The following USP28 variants were observed in gnomAD, a reference collection of about 807,000 sequenced individuals.
USP28 encodes the protein ubiquitin specific peptidase 28.
A neutral mutation model predicts 145.0 loss-of-function variants in USP28; 113 were observed. The ratio of observed to expected loss-of-function variants is 0.78; its 90% CI spans 0.67 to 0.91. The LOEUF is 0.91. USP28 is among the 40% of genes least tolerant of loss of function. The pLI is 0.00. For synonymous variants in USP28, 447 were observed against 450.9 expected (o/e 0.99, Z 0.11); for missense variants, 1,201 against 1,289.6 (o/e 0.93, Z 1.05).
intron 8 of USP28, among the ~76,000 whole-genome samples, chr11:113,831,658 T>C (rs1943994159): frequency 6.6e-6 from 1 of 152,048 alleles, no homozygotes; most frequent in Non-Finnish European, 1.5e-5. Flanking sequence ...TTACAGCACA[T>C]GCTGAGTTTA....
intron 1 of USP28, among the ~76,000 whole-genome samples, chr11:113,872,476 G>T (rs1948921775): frequency 6.7e-6 from 1 of 148,834 alleles, no homozygotes; most frequent in African/African-American, 2.5e-5. Context: ...AACAGAGCGA[G>T]ACTCCGTCTC....
chr11:113,866,913 T>C (rs954234293), intron 1 of USP28, among the ~76,000 whole-genome samples: 1 of 152,194 alleles, frequency 6.6e-6, no homozygotes, highest in Admixed American at 6.5e-5. Flanking sequence ...AATGGAAGAA[T>C]GGACAGGCAA....
chr11:113,857,507 C>T (rs1225965726), intron 1 of USP28, among the ~76,000 whole-genome samples: 6 of 152,202 alleles, frequency 3.9e-5, no homozygotes, highest in Middle Eastern at 3.4e-3. Flanking sequence ...AAGTGACATA[C>T]GCAATGGCAA....
intron 1 of USP28, among the ~76,000 whole-genome samples, chr11:113,860,021 A>G (rs2136761836): frequency 6.6e-6 from 1 of 152,300 alleles, no homozygotes; most frequent in Admixed American, 6.5e-5. Flanking sequence ...AGCAAAAACA[A>G]CTCACCCACA....
intron 9 of USP28, 50 bp downstream of exon 9, chr11:113,830,817 T>TA (rs751800168): frequency 2.5e-6 from 4 of 1,575,160 alleles, no homozygotes; most frequent in Non-Finnish European, 3.5e-6. Context: ...GACACAGTAA[T>TA]AAAGATATGA....
At chr11:113,813,577 C>G (rs941939612) in intron 15 of USP28, among the ~76,000 whole-genome samples, 1 of 152,212 alleles carries the variant, frequency 6.6e-6, no homozygotes, top group Non-Finnish European at 1.5e-5. Flanking sequence ...GTTTTTCCCA[C>G]TGCACTACTT....
chr11:113,861,273 T>C (rs1947666111), intron 1 of USP28, among the ~76,000 whole-genome samples: 1 of 152,152 alleles, frequency 6.6e-6, no homozygotes, highest in East Asian at 1.9e-4. Flanking sequence ...AATTTATTCA[T>C]GGAATAGAAA....
In USP28 at chr11:113,856,715, T is replaced by G. The variant is rs184189679; in HGVS notation, c.58-2380A>C. Among the ~76,000 whole-genome samples the G allele has an allele frequency of 3.2e-3, 488 of 152,274 alleles. 5 individuals are homozygous for G. Among genetic ancestry groups the G allele is most frequent in the Non-Finnish European group, 5.6e-3 (380 of 68,008 alleles). On this transcript the variant is annotated intron_variant, in intron 1 of 24. Transcript: ENST00000003302. ...TCTTGTATGTTTTATTTATTTTTAT[T>G]TATTTATTTATTTCTGAGACAGAGT...
At chr11:113,840,728 T>G in exon 5 of USP28, 1 of 1,614,230 alleles carries the variant, frequency 6.2e-7, no homozygotes, top group Non-Finnish European at 8.5e-7. Context: ...CTTTGAGCGT[T>G]TAGTTTCTGC....
intron 15 of USP28, among the ~76,000 whole-genome samples, chr11:113,813,419 C>A (rs982277195): frequency 6.6e-6 from 1 of 152,200 alleles, no homozygotes; most frequent in South Asian, 2.1e-4. Flanking sequence ...TTCTAACAAA[C>A]ACTTCTGTGG....
chr11:113,817,585 A>G, intron 13 of USP28, 73 bp downstream of exon 13: 1 of 1,517,390 alleles, frequency 6.6e-7, no homozygotes. Flanking sequence ...TCAATCAAGT[A>G]CAAAGATGGT....
intron 1 of USP28, among the ~76,000 whole-genome samples, chr11:113,872,098 A>G (rs1485410462): frequency 6.6e-6 from 1 of 152,268 alleles, no homozygotes; most frequent in African/African-American, 2.4e-5. Flanking sequence ...CTCAATTAGC[A>G]TTAGCTATTA....
intron 1 of USP28, among the ~76,000 whole-genome samples, chr11:113,869,864 C>T (rs1948646676): frequency 6.6e-6 from 1 of 152,098 alleles, no homozygotes; most frequent in Admixed American, 6.6e-5. Flanking sequence ...ATTTGCAACT[C>T]AGGATTAGAA....
chr11:113,827,136 T>C, intron 11 of USP28, 97 bp downstream of exon 11: 3 of 1,414,566 alleles, frequency 2.1e-6, no homozygotes, highest in Non-Finnish European at 2.8e-6. Context: ...CATATTATCA[T>C]GTCTCCCAGG....
intron 13 of USP28, 48 bp downstream of exon 13, chr11:113,817,610 A>G (rs1941931254): frequency 1.9e-6 from 3 of 1,587,662 alleles, no homozygotes; most frequent in Non-Finnish European, 2.6e-6. Context: ...AGTTTAAATT[A>G]TACCAGAAAA....
chr11:113,871,908 T>C (rs997213811), intron 1 of USP28, among the ~76,000 whole-genome samples: 4 of 152,164 alleles, frequency 2.6e-5, no homozygotes, highest in African/African-American at 9.7e-5. Context: ...AGGGGCGCCT[T>C]GGGCTCTTGG....
rs780814208 is a variant in USP28, at chr11:113,830,988, A to G, written c.834-45T>C. The G allele has an allele frequency of 6.9e-6, 11 of 1,597,668 alleles. No homozygotes were observed. The Middle Eastern group carries it at 6.6e-4, about 96-fold the overall frequency. ...ACAATTCTGGATTGTTTGGATTAAG[A>G]TATGTGCTACATAAAATCCAAGCAT... On this transcript the variant is annotated intron_variant, in intron 8 of 24. Transcript: ENST00000003302.
intron 12 of USP28, among the ~76,000 whole-genome samples, chr11:113,819,392 T>A (rs927987463): frequency 2.0e-5 from 3 of 151,936 alleles, no homozygotes; most frequent in African/African-American, 4.8e-5. Flanking sequence ...GGATTACAGG[T>A]GTGAGCCACT....
intron 19 of USP28, 80 bp downstream of exon 20, chr11:113,806,409 T>TA (rs1939966943): frequency 7.8e-7 from 1 of 1,274,554 alleles, no homozygotes; most frequent in Non-Finnish European, 1.1e-6. Flanking sequence ...TTAACCCCAT[T>TA]TTTTCCCTTC....
Sources: allele counts gnomAD v4.1 joint callset (sites outside exome capture counted in the v4.1 genomes callset), GRCh38; gene constraint gnomAD v4.1.1; transcripts MANE v1.5; gene names NCBI Gene and HGNC (gene_info 2026-07-23, HGNC 2026-07-21).